Variants in PUM1 observed in about 807,000 individuals in gnomAD.
PUM1 encodes pumilio RNA binding family member 1, also known as pumilio homolog 1.
In PUM1, 13 loss-of-function variants were observed where a neutral mutation model predicts 131.8. The observed-to-expected ratio is 0.10, with a 90% CI of 0.06 to 0.16. The LOEUF (loss-of-function observed/expected upper bound fraction) is 0.16, where lower values mean the gene tolerates loss of function less well. PUM1 is among the 10% of genes least tolerant of loss of function. PUM1 has a pLI of 1.00. For synonymous variants in PUM1, 509 were observed against 556.5 expected (o/e 0.91, Z 1.20); for missense variants, 961 against 1,512.4 (o/e 0.64, Z 6.05).
chr1:31,035,289 A>G (rs1472375324), intron 2 of PUM1, among the ~76,000 whole-genome samples: 1 of 152,064 alleles, frequency 6.6e-6, no homozygotes. Context: ...GCTACTTGGG[A>G]GGCTGAGGCA....
intron 5 of PUM1, among the ~76,000 whole-genome samples, chr1:30,999,838 C>G (rs1225799063): frequency 6.6e-6 from 1 of 152,100 alleles, no homozygotes; most frequent in Non-Finnish European, 1.5e-5. Context: ...TAAAGAGACG[C>G]ACTGGGATGG....
chr1:30,973,944 T>C lies in PUM1; in HGVS notation c.1506+707A>G, dbSNP rs565844606. On this transcript the variant is annotated intron_variant, in intron 10 of 21. Coordinates refer to ENST00000426105, the MANE Select transcript of PUM1 (RefSeq NM_001020658.2). ...TTCTACTAAAAATACAAAAATTAGC[T>C]GGGCATGGTGTAGCGTGCCTGTAAT... Among the ~76,000 whole-genome samples the C allele has an allele frequency of 2.9e-4, 44 of 152,124 alleles. 2 individuals carry two copies. The South Asian group carries it at 3.5e-3, about 12-fold the overall frequency.
intron 3 of PUM1, among the ~76,000 whole-genome samples, chr1:31,010,376 A>G (rs1055842937): frequency 1.5e-4 from 23 of 152,190 alleles, no homozygotes; most frequent in Non-Finnish European, 5.9e-5. Flanking sequence ...AAGAAATAAC[A>G]TAAGACAAGT....
In PUM1 at chr1:30,966,300, G is replaced by A. The variant is rs369835135; in HGVS notation, c.1790-22C>T. Reference sequence around the variant, plus strand: ...ACAGCTATGAAGAAGAAAGCAAACCGTTTGGCTATGAAAGGGACTGGCCAC... The same window carrying A: ...ACAGCTATGAAGAAGAAAGCAAACCATTTGGCTATGAAAGGGACTGGCCAC... On this transcript the variant is annotated intron_variant, in intron 12 of 21. Transcript: ENST00000426105. 4.6e-4 allele frequency: 712 copies of A among 1,549,172 alleles called. 1 individual carries two copies. The highest frequency in any genetic ancestry group is 5.8e-4 in the Non-Finnish European group (671 of 1,147,998).
chr1:30,935,499 C>CTGAA (rs1276757134), intron 21 of PUM1, among the ~76,000 whole-genome samples: 9 of 152,174 alleles, frequency 5.9e-5, no homozygotes, highest in East Asian at 3.8e-4. Context: ...GTGTTTAGCA[C>CTGAA]TGAATGAATG....
At chr1:30,993,495 G>A (rs1029199804) in intron 6 of PUM1, among the ~76,000 whole-genome samples, 5 of 152,042 alleles carry the variant, frequency 3.3e-5, no homozygotes, top group Admixed American at 2.6e-4. Flanking sequence ...AAACAGAAGA[G>A]TGTAACCTGT....
At chr1:30,968,850 T>C (rs1640738330) in intron 10 of PUM1, among the ~76,000 whole-genome samples, 1 of 152,174 alleles carries the variant, frequency 6.6e-6, no homozygotes, top group Non-Finnish European at 1.5e-5. Context: ...TATCAAATAT[T>C]TAATGCCTAC....
intron 10 of PUM1, among the ~76,000 whole-genome samples, chr1:30,974,352 T>C (rs989720790): frequency 7.9e-5 from 12 of 152,158 alleles, no homozygotes; most frequent in African/African-American, 2.2e-4. Flanking sequence ...GCAACTACAG[T>C]ATGGCAGAAC....
At chr1:30,996,460 C>T (rs1641983613) in intron 5 of PUM1, among the ~76,000 whole-genome samples, 2 of 152,160 alleles carry the variant, frequency 1.3e-5, no homozygotes, top group African/African-American at 4.8e-5. Context: ...ATCACTGGCC[C>T]AGAAAGGCTG....
intron 19 of PUM1, 145 bp downstream of exon 19, chr1:30,941,853 G>C: frequency 1.1e-6 from 1 of 929,894 alleles, no homozygotes; most frequent in Non-Finnish European, 1.6e-6. Flanking sequence ...AAACCAAGCT[G>C]CTCTGAATAC....
rs564322067 is a variant in PUM1 at position 31,012,720 on chromosome 1, C to G, written c.433-5618G>C. 1.9e-4 allele frequency among the ~76,000 whole-genome samples: 29 copies of G among 152,018 alleles called. No individual in the cohort carries two copies. In the East Asian group the frequency reaches 5.6e-3, roughly 29 times the overall value. On this transcript the variant is annotated intron_variant, in intron 3 of 21. Transcript: ENST00000426105. Reference sequence around the variant, plus strand: ...TTCCATCTAACAAAAAAGAACAATACGCAAAACCACACTTAACACTTAACA... The same window carrying G: ...TTCCATCTAACAAAAAAGAACAATAGGCAAAACCACACTTAACACTTAACA...
intron 1 of PUM1, among the ~76,000 whole-genome samples, chr1:31,065,174 C>A (rs890203523): frequency 1.3e-5 from 2 of 152,162 alleles, no homozygotes; most frequent in African/African-American, 4.8e-5. Flanking sequence ...CCTCCTCCGG[C>A]GCTGCCACGG....
chr1:31,055,432 CAGA>C (rs1168780808), intron 2 of PUM1: 1 of 455,996 alleles, frequency 2.2e-6, no homozygotes, highest in African/African-American at 2.0e-5. Context: ...TAGTTCAGTC[CAGA>C]AGGTGAGAAC....
At chr1:30,956,080 G>T (rs1640153718) in intron 14 of PUM1, among the ~76,000 whole-genome samples, 1 of 152,164 alleles carries the variant, frequency 6.6e-6, no homozygotes, top group Non-Finnish European at 1.5e-5. Context: ...TGACTCCAGG[G>T]TCAAGGCCCT....
intron 2 of PUM1, among the ~76,000 whole-genome samples, chr1:31,053,750 A>G (rs1368706937): frequency 1.3e-5 from 2 of 149,840 alleles, no homozygotes; most frequent in Non-Finnish European, 3.0e-5. Flanking sequence ...TGCTGCGATT[A>G]CAGGTGTGAG....
chr1:30,951,121 C>T (rs942712894), intron 16 of PUM1, among the ~76,000 whole-genome samples: 9 of 152,166 alleles, frequency 5.9e-5, no homozygotes, highest in Non-Finnish European at 1.0e-4. Context: ...TATGAATTCT[C>T]AGCCCATCCA....
At chr1:30,973,905 T>C (rs1291850617) in intron 10 of PUM1, among the ~76,000 whole-genome samples, 1 of 152,034 alleles carries the variant, frequency 6.6e-6, no homozygotes, top group African/African-American at 2.4e-5. Flanking sequence ...CTGACCAACA[T>C]GGTGAAACCC....
chr1:30,986,400 C>T (rs1641559773), intron 7 of PUM1, among the ~76,000 whole-genome samples: 1 of 152,106 alleles, frequency 6.6e-6, no homozygotes, highest in Admixed American at 6.6e-5. Flanking sequence ...GGAGTCATTC[C>T]TCAGCATATG....
At chr1:30,945,213 AAC>A (rs1639623030) in intron 18 of PUM1, 131 bp downstream of exon 18, 2 of 1,025,284 alleles carry the variant, frequency 2.0e-6, no homozygotes, top group Admixed American at 4.5e-5. Context: ...CAGCCTGGGC[AAC>A]AGAGTGGGAT....
Sources: allele counts gnomAD v4.1 joint callset (sites outside exome capture counted in the v4.1 genomes callset), GRCh38; gene constraint gnomAD v4.1.1; transcripts MANE v1.5; gene names NCBI Gene and HGNC (gene_info 2026-07-23, HGNC 2026-07-21).